The following DCAF5 variants were observed in gnomAD, a reference collection of about 807,000 sequenced individuals.
DCAF5 encodes the protein DDB1 and CUL4 associated factor 5, also known as DDB1- and CUL4-associated factor 5.
Under a neutral mutation model 80.7 loss-of-function variants are expected in DCAF5, and 9 were observed. The observed-to-expected ratio is 0.11, with a 90% CI of 0.07 to 0.19. The LOEUF (loss-of-function observed/expected upper bound fraction) is 0.19, where lower values mean the gene tolerates loss of function less well. Among genes scored for constraint, DCAF5 ranks in the 10% least tolerant of loss-of-function variants. DCAF5 has a pLI of 1.00. For missense variants in DCAF5, 842 were observed against 1,205.7 expected, an observed-to-expected ratio of 0.70 and a Z score of 4.47; for synonymous variants, 433 against 461.9, an observed-to-expected ratio of 0.94 and a Z score of 0.80.
chr14:69,112,212 T>G (rs545282724), intron 5 of DCAF5, among the ~76,000 whole-genome samples: 3 of 152,182 alleles, frequency 2.0e-5, no homozygotes, highest in African/African-American at 7.2e-5. Flanking sequence ...GCAAAATAAA[T>G]AGTATATGCA....
chr14:69,054,743 G>A lies in DCAF5; in HGVS notation c.1943C>T (p.Ser648Leu). Residue 648 changes from serine to leucine, a missense_variant, in exon 9 of 9, where the codon TCA (serine) becomes TTA (leucine). This residue lies in a region of DCAF5 where 607 missense variants were observed against 656.6 expected (regional missense o/e 0.92). Coordinates refer to ENST00000341516, the MANE Select transcript of DCAF5 (RefSeq NM_003861.3). ...STLEIQPSRA[S>L]PTSDIESVER... The stretch of plus-strand genomic sequence containing the variant: ...AACTGATTCTATGTCAGAAGTTGGT[G>A]ATGCCCGGCTTGGTTGAATCTCTAG... The A allele has an allele frequency of 6.2e-7, 1 of 1,614,256 alleles. No homozygotes were observed. Among genetic ancestry groups the A allele is most frequent in the Non-Finnish European group, 8.5e-7 (1 of 1,180,052 alleles).
intron 5 of DCAF5, among the ~76,000 whole-genome samples, chr14:69,100,634 A>G (rs979953891): frequency 3.3e-5 from 5 of 152,204 alleles, no homozygotes; most frequent in African/African-American, 9.7e-5. Context: ...ATTTCTTTCT[A>G]CAGATCCACC....
At chr14:69,132,591 T>C (rs1279335979) in intron 1 of DCAF5, among the ~76,000 whole-genome samples, 1 of 152,184 alleles carries the variant, frequency 6.6e-6, no homozygotes, top group Admixed American at 6.5e-5. Flanking sequence ...CATATATAAA[T>C]TTGGGAAATT....
chr14:69,134,705 T>C (rs1295941067), intron 1 of DCAF5, among the ~76,000 whole-genome samples: 1 of 152,220 alleles, frequency 6.6e-6, no homozygotes, highest in East Asian at 1.9e-4. Context: ...TCACTAGTAA[T>C]CAAGGCCAGT....
chr14:69,091,607 C>T (rs1043968519), intron 6 of DCAF5, 67 bp downstream of exon 6: 16 of 1,394,314 alleles, frequency 1.1e-5, no homozygotes, highest in Admixed American at 3.6e-5. Context: ...GAAATAAAGA[C>T]CAGTATAGAA....
rs774826567 is a variant in DCAF5 at position 69,054,828 on chromosome 14, T to G, written c.1858A>C (p.Ile620Leu). ...IGEDNYDYPQ[I>L]KVDDLSSSPT... ...GAGGAGGAGAGGTCATCCACTTTGA[T>G]CTGGGGGTAATCATAGTTGTCTTCT... The change falls in exon 9 of 9, where the codon ATC (isoleucine) becomes CTC (leucine). Residue 620 changes from isoleucine to leucine, a missense_variant. Around this residue, in one of 5 missense-constraint regions of DCAF5, gnomAD observed 607 missense variants for 656.6 expected, o/e 0.92. Transcript: ENST00000341516. The G allele has an allele frequency of 7.4e-6, 12 of 1,614,096 alleles. No homozygotes were observed. The highest frequency in any genetic ancestry group is 1.0e-5 in the Non-Finnish European group (12 of 1,180,038).
At chr14:69,146,947 C>T (rs998853055) in intron 1 of DCAF5, among the ~76,000 whole-genome samples, 28 of 152,284 alleles carry the variant, frequency 1.8e-4, no homozygotes, top group Non-Finnish European at 3.7e-4. Flanking sequence ...AAGTAACTAC[C>T]GAACCAACAA....
At chr14:69,085,323 T>G in intron 6 of DCAF5, 1 of 703,426 alleles carries the variant, frequency 1.4e-6, no homozygotes, top group Non-Finnish European at 2.7e-6. Flanking sequence ...CCAAGAAAGT[T>G]GAGAAGTCCA....
intron 1 of DCAF5, among the ~76,000 whole-genome samples, chr14:69,128,437 T>G (rs955547665): frequency 1.3e-5 from 2 of 152,182 alleles, no homozygotes; most frequent in Non-Finnish European, 2.9e-5. Flanking sequence ...CTGCCCGCCT[T>G]GGCCTCCCAA....
chr14:69,077,556 T>G (rs72718289), intron 6 of DCAF5, among the ~76,000 whole-genome samples: 17,798 of 151,754 alleles, frequency 0.12, 1,211 homozygotes, highest in Middle Eastern at 0.21. Flanking sequence ...GCTAATTTTT[T>G]ATAGTGACAG....
chr14:69,101,801 T>C (rs1022373603), intron 5 of DCAF5, among the ~76,000 whole-genome samples: 1 of 152,140 alleles, frequency 6.6e-6, no homozygotes, highest in Non-Finnish European at 1.5e-5. Context: ...GAACACCAAA[T>C]GCCATAGGCA....
intron 7 of DCAF5, among the ~76,000 whole-genome samples, chr14:69,069,262 C>T (rs1594942350): frequency 6.6e-6 from 1 of 152,110 alleles, no homozygotes; most frequent in Non-Finnish European, 1.5e-5. Flanking sequence ...TACAGTGACT[C>T]GGCAGTAAAA....
intron 1 of DCAF5, among the ~76,000 whole-genome samples, chr14:69,142,639 T>C (rs1287626095): frequency 1.3e-5 from 2 of 152,218 alleles, no homozygotes; most frequent in African/African-American, 4.8e-5. Flanking sequence ...AATGACTTAC[T>C]AGCACTCTCT....
chr14:69,137,152 T>TATAC (rs1431325891), intron 1 of DCAF5, among the ~76,000 whole-genome samples: 1 of 152,236 alleles, frequency 6.6e-6, no homozygotes, highest in African/African-American at 2.4e-5. Context: ...ATGACTTGTA[T>TATAC]GATTTCAACA....
At chr14:69,111,179 G>A (rs1189574482) in intron 5 of DCAF5, among the ~76,000 whole-genome samples, 7 of 152,194 alleles carry the variant, frequency 4.6e-5, no homozygotes, top group African/African-American at 9.7e-5. Flanking sequence ...CAAATGCAAT[G>A]TGGCAGAGAT....
chr14:69,126,184 C>A lies in DCAF5; in HGVS notation c.215-3824G>T, dbSNP rs1053421338. ...TTTTTTTTTTTTAGACGGAGTTTCACTTTTTTTTTTTTGCCCAGGCTGGAG... is the reference window on the plus strand; with the variant it reads ...TTTTTTTTTTTTAGACGGAGTTTCAATTTTTTTTTTTTGCCCAGGCTGGAG... On this transcript the variant is annotated intron_variant, in intron 1 of 8. Transcript: ENST00000341516. Among the ~76,000 whole-genome samples the A allele has an allele frequency of 3.6e-5, 5 of 137,230 alleles. No homozygotes were observed. The South Asian group carries it at 9.3e-4, about 25-fold the overall frequency. The allele number at this position is 137,230 out of a possible 152,430, so 90.0% of individuals were successfully genotyped here.
chr14:69,055,579 A>G lies in DCAF5; in HGVS notation c.1107T>C (p.Thr369=), dbSNP rs201132415. The G allele has an allele frequency of 1.6e-5, 25 of 1,605,982 alleles. No individual in the cohort carries two copies. The East Asian group carries it at 5.2e-4, about 33-fold the overall frequency. ...CCTCAATCCGACCGTCGAGGTCTCC[A>G]GTACATCCTGGCTGCTTGTATGGGC... is the stretch of plus-strand genomic sequence containing the variant. ...IWSPYKQPGC[T]GDLDGRIEDD... Residue 369 remains threonine, a synonymous_variant, in exon 9 of 9, where the codon ACT becomes ACC. Transcript: ENST00000341516. This position sits in a 1 kb window ranked among gnomAD's most constrained non-coding sequence, Gnocchi z 5.6.
At chr14:69,088,511 G>C (rs1260168626) in intron 6 of DCAF5, among the ~76,000 whole-genome samples, 2 of 152,184 alleles carry the variant, frequency 1.3e-5, no homozygotes, top group African/African-American at 4.8e-5. Flanking sequence ...ATTACCTAGT[G>C]AACCTAGGAT....
At chr14:69,084,340 GTT>G (rs1192115164) in intron 6 of DCAF5, 1 of 953,282 alleles carries the variant, frequency 1.0e-6, no homozygotes, top group African/African-American at 1.6e-5. Flanking sequence ...ATATCCCAGG[GTT>G]TATGTATAAA....
Sources: allele counts gnomAD v4.1 joint callset (sites outside exome capture counted in the v4.1 genomes callset), GRCh38; gene constraint gnomAD v4.1.1; regional missense constraint gnomAD v4.1.1; non-coding constraint Gnocchi (gnomAD v3.1); transcripts MANE v1.5; gene names NCBI Gene and HGNC (gene_info 2026-07-23, HGNC 2026-07-21).